INKA1: variants seen among roughly 807,000 people sequenced by gnomAD.
INKA1 encodes inka box actin regulator 1, also known as PAK4-inhibitor INKA1.
Under a neutral mutation model 21.3 loss-of-function variants are expected in INKA1, and 14 were observed. The ratio of observed to expected loss-of-function variants is 0.66; its 90% CI spans 0.43 to 1.03. The LOEUF is 1.03. Ranked by LOEUF, INKA1 falls within the 50% of genes least tolerant of loss-of-function variation. The probability of loss-of-function intolerance (pLI) is 0.00; values close to 1 mark genes in which losing one functional copy is unlikely to be tolerated. For missense variants in INKA1, 353 were observed against 379.0 expected (o/e 0.93, Z 0.57); for synonymous variants, 133 against 143.3 (o/e 0.93, Z 0.51).
In INKA1 at chr3:49,804,939, C is replaced by T. The variant is rs1168540978; in HGVS notation, c.810C>T (p.Ser270=). ...ADVSRFAALM[S]CRSRQPIICN... ...TCTCACGCTTTGCAGCTCTCATGAG[C>T]TGTCGTAGCCGCCAGCCCATCATCT... The change falls in exon 2 of 2, where the codon AGC becomes AGT. Residue 270 remains serine, a synonymous_variant. Coordinates refer to ENST00000333323, the MANE Select transcript of INKA1 (RefSeq NM_203370.2). The surrounding 1 kb of genome is among the most constrained non-coding windows in gnomAD (Gnocchi z 6.7). The T allele has an allele frequency of 1.2e-6, 2 of 1,612,408 alleles. No individual in the cohort carries two copies. The highest frequency in any genetic ancestry group is 4.5e-5 in the East Asian group (2 of 44,862).
Position 49,804,296 on chromosome 3 carries a change from A to G in INKA1, c.167A>G (p.Glu56Gly). 3.7e-6 allele frequency: 6 copies of G among 1,613,618 alleles called. No individual in the cohort carries two copies. The highest frequency in any genetic ancestry group is 5.1e-6 in the Non-Finnish European group (6 of 1,179,926). The change falls in exon 2 of 2, where the codon GAG (glutamate) becomes GGG (glycine). Residue 56 changes from glutamate to glycine, a missense_variant. Transcript: ENST00000333323. The surrounding 1 kb of genome is among the most constrained non-coding windows in gnomAD (Gnocchi z 6.7). ...HQLRASGALE[E>G]DSVCCVEEEE... The stretch of plus-strand genomic sequence containing the variant: ...CTTAGGGCCTCGGGTGCCTTGGAAG[A>G]GGACTCAGTCTGCTGTGTGGAGGAG...
chr3:49,803,654 C>A lies in INKA1; in HGVS notation c.51+211C>A, dbSNP rs2081399918. On this transcript the variant is annotated intron_variant, in intron 1 of 1. Coordinates refer to ENST00000333323, the MANE Select transcript of INKA1 (RefSeq NM_203370.2). This position sits in a 1 kb window ranked among gnomAD's most constrained non-coding sequence, Gnocchi z 4.8. ...CATCAGATAACAGCATCCAGCTGGC[C>A]GTGCTGCTGGAACGGCGCGGGAGGA... Among the ~76,000 whole-genome samples, 1 of 146,624 alleles carries A rather than the reference C, an allele frequency of 6.8e-6. No homozygotes were observed. The highest frequency in any genetic ancestry group is 2.0e-4 in the East Asian group (1 of 4,936).
In INKA1 at chr3:49,804,045, CT is replaced by C. The variant is rs1218341203; in HGVS notation, c.52-135del. ...ACACCAGCTTCGAGTGCCAGCACCC[CT>C]ATGCCTGCCCTGTGCTCACTAACAC... On this transcript the variant is annotated intron_variant, in intron 1 of 1. Transcript: ENST00000333323. This position sits in a 1 kb window ranked among gnomAD's most constrained non-coding sequence, Gnocchi z 6.7. 5.5e-6 allele frequency: 4 copies of C among 726,322 alleles called. No homozygotes were observed. The highest frequency in any genetic ancestry group is 9.2e-6 in the Non-Finnish European group (4 of 432,608). The allele number at this position is 726,322 out of a possible 1,614,324, so 45.0% of individuals were successfully genotyped here.
At position 49,803,951 on chromosome 3, in the gene INKA1, G is replaced by T. The variant is rs1057172336; in HGVS notation, c.52-230G>T. 3.3e-5 allele frequency among the ~76,000 whole-genome samples: 5 copies of T among 152,162 alleles called. No individual in the cohort carries two copies. The highest frequency in any genetic ancestry group is 5.9e-5 in the Non-Finnish European group (4 of 68,002). On this transcript the variant is annotated intron_variant, in intron 1 of 1. Transcript: ENST00000333323. This position sits in a 1 kb window ranked among gnomAD's most constrained non-coding sequence, Gnocchi z 4.8. ...CTGCCTGCCCGCCCGCCCTGGTGGC[G>T]GGTGCCGACTTGCCCGGCCCTGCAT...
At position 49,803,728 on chromosome 3, in the gene INKA1, G is replaced by T. The variant is rs979499986; in HGVS notation, c.51+285G>T. On this transcript the variant is annotated intron_variant, in intron 1 of 1. Transcript: ENST00000333323. This position sits in a 1 kb window ranked among gnomAD's most constrained non-coding sequence, Gnocchi z 4.8. ...GGGGGCGGGGCATGGGGCGGCAAGG[G>T]ACTAACGAGGTGCTGGCGCTGCTGT... Among the ~76,000 whole-genome samples the T allele has an allele frequency of 6.6e-6, 1 of 152,188 alleles. No individual in the cohort carries two copies. The highest frequency in any genetic ancestry group is 2.4e-5 in the African/African-American group (1 of 41,444).
chr3:49,804,555 T>G lies in INKA1; in HGVS notation c.426T>G (p.Ser142Arg), dbSNP rs1447759287. 6 of 1,613,432 alleles carry G rather than the reference T, an allele frequency of 3.7e-6. No homozygotes were observed. The highest frequency in any genetic ancestry group is 5.1e-6 in the Non-Finnish European group (6 of 1,180,028). ...TGCCCAGCAGGGCCCCTGTAGCCAG[T>G]GTACCACCTGTCCACCATCCACGGC... ...LPMPSRAPVA[S>R]VPPVHHPRPK... The change falls in exon 2 of 2, where the codon AGT becomes AGG. Residue 142 changes from serine to arginine, a missense_variant. By Grantham distance (110) the Ser-to-Arg change is moderately radical. Transcript: ENST00000333323. The surrounding 1 kb of genome is among the most constrained non-coding windows in gnomAD (Gnocchi z 6.7).
Position 49,803,391 on chromosome 3 carries a change from A to T in INKA1, c.-2A>T. On this transcript the variant is annotated 5_prime_UTR_variant, in exon 1 of 2. Coordinates refer to ENST00000333323, the MANE Select transcript of INKA1 (RefSeq NM_203370.2). The surrounding 1 kb of genome is among the most constrained non-coding windows in gnomAD (Gnocchi z 4.8). Reference sequence around the variant, plus strand: ...AGGTTCGGTGGGGGCCCTGGCATGGACATGCACAGCGCTCGGCTTGACAGC... The same window carrying T: ...AGGTTCGGTGGGGGCCCTGGCATGGTCATGCACAGCGCTCGGCTTGACAGC... The T allele has an allele frequency of 6.5e-7, 1 of 1,543,088 alleles. No homozygotes were observed. Among genetic ancestry groups the T allele is most frequent in the Admixed American group, 2.1e-5 (1 of 47,452 alleles).
Position 49,803,288 on chromosome 3 carries a change from G to A in INKA1, c.-105G>A. On this transcript the variant is annotated 5_prime_UTR_variant, in exon 1 of 2. Transcript: ENST00000333323. This position sits in a 1 kb window ranked among gnomAD's most constrained non-coding sequence, Gnocchi z 4.8. ...GGAGAGCGAGGAGTCGCGCAGGCAG[G>A]CGGAGGCTGAGGGCGCCGCTGGCCG... is the stretch of plus-strand genomic sequence containing the variant. The A allele has an allele frequency of 8.8e-7, 1 of 1,138,018 alleles. No homozygotes were observed. Among genetic ancestry groups the A allele is most frequent in the Non-Finnish European group, 1.2e-6 (1 of 848,410 alleles). The allele number at this position is 1,138,018 out of a possible 1,614,324, so 70.5% of individuals were successfully genotyped here.
At position 49,804,356 on chromosome 3, in the gene INKA1, A is replaced by G. The variant is rs149429257; in HGVS notation, c.227A>G (p.Glu76Gly). Residue 76 changes from glutamate (E) to glycine (G), a missense_variant, in exon 2 of 2, where the codon GAA (glutamate) becomes GGA (glycine). By Grantham distance (98) the Glu-to-Gly change is moderately conservative. Transcript: ENST00000333323. The surrounding 1 kb of genome is among the most constrained non-coding windows in gnomAD (Gnocchi z 6.7). Reference protein sequence around the residue: ...EEEEEEAVVTEDRDAALGGPR... With the variant: ...EEEEEEAVVTGDRDAALGGPR... Reference sequence around the variant, plus strand: ...GAGGAGGAGGAAGCAGTGGTGACAGAAGACAGGGATGCAGCCTTGGGAGGC... The same window carrying G: ...GAGGAGGAGGAAGCAGTGGTGACAGGAGACAGGGATGCAGCCTTGGGAGGC... 145 of 1,613,308 alleles carry G rather than the reference A, an allele frequency of 9.0e-5. 1 individual carries two copies. In the African/African-American group the frequency reaches 1.5e-3, roughly 17 times the overall value.
At position 49,803,466 on chromosome 3, in the gene INKA1, G is replaced by A. The variant is rs1261087054; in HGVS notation, c.51+23G>A. The A allele has an allele frequency of 6.5e-7, 1 of 1,546,818 alleles. No individual in the cohort carries two copies. On this transcript the variant is annotated intron_variant, in intron 1 of 1. Coordinates refer to ENST00000333323, the MANE Select transcript of INKA1 (RefSeq NM_203370.2). The surrounding 1 kb of genome is among the most constrained non-coding windows in gnomAD (Gnocchi z 4.8). Reference sequence around the variant, plus strand: ...CTGGTGAGGCTCGGGAGCGGGTGTGGTTAGTGAGGACGCGTGCGGGATGCC... The same window carrying A: ...CTGGTGAGGCTCGGGAGCGGGTGTGATTAGTGAGGACGCGTGCGGGATGCC...
rs2081411896 is a variant in INKA1 at position 49,804,389 on chromosome 3, A to G, written c.260A>G (p.Glu87Gly). ...GATGCAGCCTTGGGAGGCCCCAGGGAGCATGCCCTGGACTGGGACTCTGGC... is the reference window on the plus strand; with the variant it reads ...GATGCAGCCTTGGGAGGCCCCAGGGGGCATGCCCTGGACTGGGACTCTGGC... ...DRDAALGGPREHALDWDSGFS... is the reference protein window; with the variant it reads ...DRDAALGGPRGHALDWDSGFS... The change falls in exon 2 of 2, where the codon GAG becomes GGG. Residue 87 changes from glutamate (E) to glycine (G), a missense_variant. Physicochemically the swap from Glu to Gly is moderately conservative, Grantham distance 98. Transcript: ENST00000333323. The surrounding 1 kb of genome is among the most constrained non-coding windows in gnomAD (Gnocchi z 6.7). 1 of 1,612,826 alleles carries G rather than the reference A, an allele frequency of 6.2e-7. No homozygotes were observed. Among genetic ancestry groups the G allele is most frequent in the East Asian group, 2.2e-5 (1 of 44,826 alleles).
chr3:49,804,693 C>T lies in INKA1; in HGVS notation c.564C>T (p.Asp188=), dbSNP rs2081416180. The part of the protein sequence containing the change: ...GRSRQPLVLG[D]NCFADLVHNW... ...GTCGCCAGCCCCTGGTACTAGGGGA[C>T]AATTGCTTTGCTGACTTGGTGCACA... Residue 188 remains aspartate, a synonymous_variant, in exon 2 of 2, where the codon GAC becomes GAT. Transcript: ENST00000333323. This position sits in a 1 kb window ranked among gnomAD's most constrained non-coding sequence, Gnocchi z 6.7. 6.2e-7 allele frequency: 1 copy of T among 1,613,182 alleles called. No homozygotes were observed. The highest frequency in any genetic ancestry group is 1.6e-4 in the Middle Eastern group (1 of 6,062).
chr3:49,803,946 G>T lies in INKA1; in HGVS notation c.52-235G>T, dbSNP rs2081404585. Among the ~76,000 whole-genome samples, 1 of 152,178 alleles carries T rather than the reference G, an allele frequency of 6.6e-6. No homozygotes were observed. The highest frequency in any genetic ancestry group is 1.5e-5 in the Non-Finnish European group (1 of 68,012). On this transcript the variant is annotated intron_variant, in intron 1 of 1. Transcript: ENST00000333323. The surrounding 1 kb of genome is among the most constrained non-coding windows in gnomAD (Gnocchi z 4.8). ...CCTGCCTGCCTGCCCGCCCGCCCTGGTGGCGGGTGCCGACTTGCCCGGCCC... is the reference window on the plus strand; with the variant it reads ...CCTGCCTGCCTGCCCGCCCGCCCTGTTGGCGGGTGCCGACTTGCCCGGCCC...
Position 49,804,539 on chromosome 3 carries a change from G to A in INKA1, c.410G>A (p.Arg137Lys). 1 of 1,613,398 alleles carries A rather than the reference G, an allele frequency of 6.2e-7. No individual in the cohort carries two copies. Among genetic ancestry groups the A allele is most frequent in the South Asian group, 1.1e-5 (1 of 91,084 alleles). Residue 137 changes from arginine (R) to lysine (K), a missense_variant, in exon 2 of 2, where the codon AGG becomes AAG. By Grantham distance (26) the Arg-to-Lys change is conservative. Coordinates refer to ENST00000333323, the MANE Select transcript of INKA1 (RefSeq NM_203370.2). The surrounding 1 kb of genome is among the most constrained non-coding windows in gnomAD (Gnocchi z 6.7). ...GTCAGTGGCCTCCCCATGCCCAGCA[G>A]GGCCCCTGTAGCCAGTGTACCACCT... ...LSVSGLPMPS[R>K]APVASVPPVH...
In INKA1 at chr3:49,804,093, C is replaced by T. The variant is rs2081406705; in HGVS notation, c.52-88C>T. 1 of 1,162,858 alleles carries T rather than the reference C, an allele frequency of 8.6e-7. No homozygotes were observed. The highest frequency in any genetic ancestry group is 1.5e-5 in the South Asian group (1 of 68,078). 72.0% of individuals were successfully genotyped at this position (1,162,858 alleles called of 1,614,324 possible). On this transcript the variant is annotated intron_variant, in intron 1 of 1. Coordinates refer to ENST00000333323, the MANE Select transcript of INKA1 (RefSeq NM_203370.2). This position sits in a 1 kb window ranked among gnomAD's most constrained non-coding sequence, Gnocchi z 6.7. ...ACACCCTGCTGCCCAGGCCAGCAGGCCTATCTAACCTTCCTGGACCCTCTG... is the reference window on the plus strand; with the variant it reads ...ACACCCTGCTGCCCAGGCCAGCAGGTCTATCTAACCTTCCTGGACCCTCTG...
chr3:49,804,854 C>G lies in INKA1; in HGVS notation c.725C>G (p.Ala242Gly). 1 of 1,612,990 alleles carries G rather than the reference C, an allele frequency of 6.2e-7. No homozygotes were observed. The highest frequency in any genetic ancestry group is 8.5e-7 in the Non-Finnish European group (1 of 1,179,992). Residue 242 changes from alanine to glycine, a missense_variant, in exon 2 of 2, where the codon GCT (alanine) becomes GGT (glycine). Ala to Gly is a moderately conservative substitution (Grantham distance 60, BLOSUM62 0). Coordinates refer to ENST00000333323, the MANE Select transcript of INKA1 (RefSeq NM_203370.2). This position sits in a 1 kb window ranked among gnomAD's most constrained non-coding sequence, Gnocchi z 6.7. The stretch of plus-strand genomic sequence containing the variant: ...CGGCTGGCCAGGGCTCGGCGGACAG[C>G]TATGGCAGGAAAGCGGCTGTCATGC... Reference protein sequence around the residue: ...RRRLARARRTAMAGKRLSCPP... With the variant: ...RRRLARARRTGMAGKRLSCPP...
Position 49,804,168 on chromosome 3 carries a change from C to G in INKA1, c.52-13C>G. On this transcript the variant is annotated splice_polypyrimidine_tract_variant and intron_variant, in intron 1 of 1. Transcript: ENST00000333323. This position sits in a 1 kb window ranked among gnomAD's most constrained non-coding sequence, Gnocchi z 6.7. ...GTGATACCTCTCCGACTTCTGCCCTCTCTTCCCCTCAGTTGTGTGGTCGGG... is the reference window on the plus strand; with the variant it reads ...GTGATACCTCTCCGACTTCTGCCCTGTCTTCCCCTCAGTTGTGTGGTCGGG... 6.4e-7 allele frequency: 1 copy of G among 1,555,456 alleles called. No individual in the cohort carries two copies. Among genetic ancestry groups the G allele is most frequent in the Non-Finnish European group, 8.7e-7 (1 of 1,148,410 alleles).
chr3:49,804,383 C>T lies in INKA1; in HGVS notation c.254C>T (p.Pro85Leu). The change falls in exon 2 of 2, where the codon CCC becomes CTC. Residue 85 changes from proline to leucine, a missense_variant. Physicochemically the swap from Pro to Leu is moderately conservative, Grantham distance 98. Transcript: ENST00000333323. This position sits in a 1 kb window ranked among gnomAD's most constrained non-coding sequence, Gnocchi z 6.7. ...GACAGGGATGCAGCCTTGGGAGGCCCCAGGGAGCATGCCCTGGACTGGGAC... is the reference window on the plus strand; with the variant it reads ...GACAGGGATGCAGCCTTGGGAGGCCTCAGGGAGCATGCCCTGGACTGGGAC... ...TEDRDAALGGPREHALDWDSG... is the reference protein window; with the variant it reads ...TEDRDAALGGLREHALDWDSG... 2 of 1,613,110 alleles carry T rather than the reference C, an allele frequency of 1.2e-6. No individual in the cohort carries two copies. Among genetic ancestry groups the T allele is most frequent in the Non-Finnish European group, 1.7e-6 (2 of 1,179,894 alleles).
rs144163564 is a variant in INKA1 at position 49,804,497 on chromosome 3, G to C, written c.368G>C (p.Arg123Pro). 1.5e-5 allele frequency: 24 copies of C among 1,613,538 alleles called. No individual in the cohort carries two copies. The highest frequency in any genetic ancestry group is 3.3e-5 in the Admixed American group (2 of 60,020). ...QRPAPSAQPL[R>P]RQCLSVSGLP... is the part of the protein sequence containing the mutation. Reference sequence around the variant, plus strand: ...CCAGCACCCTCAGCACAGCCCCTTCGTAGGCAGTGCCTCTCAGTCAGTGGC... The same window carrying C: ...CCAGCACCCTCAGCACAGCCCCTTCCTAGGCAGTGCCTCTCAGTCAGTGGC... Residue 123 changes from arginine to proline, a missense_variant, in exon 2 of 2, where the codon CGT becomes CCT. Transcript: ENST00000333323. This position sits in a 1 kb window ranked among gnomAD's most constrained non-coding sequence, Gnocchi z 6.7.
Sources: gnomAD v4.1 joint callset for allele counts (sites outside exome capture counted in the v4.1 genomes callset) on GRCh38, gnomAD v4.1.1 for gene constraint, Gnocchi (gnomAD v3.1) non-coding constraint, MANE v1.5 for transcripts, NCBI Gene and HGNC (gene_info 2026-07-23, HGNC 2026-07-21) for gene names.